MYO1B: variants seen among roughly 807,000 people sequenced by gnomAD.
MYO1B encodes myosin IB, also known as unconventional myosin-Ib.
Under a neutral mutation model 159.7 loss-of-function variants are expected in MYO1B, and 72 were observed. That is an observed-to-expected ratio of 0.45 (90% CI 0.37 to 0.55). The LOEUF is 0.55. MYO1B is among the 20% of genes least tolerant of loss of function. The pLI is 0.00. For missense variants in MYO1B, 1,062 were observed against 1,364.8 expected, an observed-to-expected ratio of 0.78 and a Z score of 3.50; for synonymous variants, 468 against 473.8, an observed-to-expected ratio of 0.99 and a Z score of 0.16.
intron 1 of MYO1B, among the ~76,000 whole-genome samples, chr2:191,274,972 A>G (rs971911508): frequency 7.9e-5 from 12 of 152,032 alleles, no homozygotes; most frequent in East Asian, 1.9e-4. Flanking sequence ...CAGTGGCGCA[A>G]TCTCGGCTCA....
At chr2:191,326,818 G>A (rs936839712) in intron 3 of MYO1B, among the ~76,000 whole-genome samples, 33 of 150,058 alleles carry the variant, frequency 2.2e-4, no homozygotes, top group Admixed American at 1.5e-3. Context: ...GTGTGTGTGC[G>A]CGCGCCATAT....
intron 3 of MYO1B, among the ~76,000 whole-genome samples, chr2:191,297,162 A>G (rs1689032769): frequency 6.6e-6 from 1 of 150,938 alleles, no homozygotes; most frequent in Admixed American, 6.6e-5. Flanking sequence ...GGAAAGAGAA[A>G]TATGCTAAGT....
In MYO1B at chr2:191,350,024, G is replaced by T. The variant is rs867582563; in HGVS notation, c.499-138G>T. On this transcript the variant is annotated intron_variant, in intron 6 of 30. Coordinates refer to ENST00000392318, the MANE Select transcript of MYO1B (RefSeq NM_001130158.3). ...TGGAGGCATGTTGTTTTGCATCGTG[G>T]TTATATAAACTGTGTCTTTCTTAGT... is the stretch of plus-strand genomic sequence containing the variant. 3.0e-4 allele frequency: 196 copies of T among 644,130 alleles called. 4 individuals carry two copies. Among genetic ancestry groups the T allele is most frequent in the South Asian group, 1.4e-3 (76 of 52,998 alleles). 39.9% of individuals were successfully genotyped at this position (644,130 alleles called of 1,614,324 possible). A position where few individuals can be genotyped will look rare whatever the true frequency, so the allele number is the denominator to read the frequency against.
At chr2:191,336,762 C>T (rs1229224802) in intron 4 of MYO1B, among the ~76,000 whole-genome samples, 1 of 152,148 alleles carries the variant, frequency 6.6e-6, no homozygotes, top group Non-Finnish European at 1.5e-5. Context: ...TGAACACAAA[C>T]ATGGCCTCAT....
At chr2:191,387,607 T>C (rs1451108949) in intron 17 of MYO1B, 157 bp downstream of exon 17, 1 of 686,144 alleles carries the variant, frequency 1.5e-6, no homozygotes. Flanking sequence ...GCTTAAAAAA[T>C]GCTCCACTAT....
intron 13 of MYO1B, chr2:191,381,026 G>A: frequency 7.3e-6 from 2 of 273,948 alleles, no homozygotes; most frequent in Non-Finnish European, 1.4e-5. Context: ...TCAGAGTGAG[G>A]GATCTGTCCC....
At chr2:191,332,228 G>T (rs1212287800) in intron 4 of MYO1B, among the ~76,000 whole-genome samples, 1 of 152,028 alleles carries the variant, frequency 6.6e-6, no homozygotes, top group Non-Finnish European at 1.5e-5. Flanking sequence ...CTCCCAAAGT[G>T]CTGGGATTAC....
intron 11 of MYO1B, among the ~76,000 whole-genome samples, chr2:191,367,639 G>C (rs1018613050): frequency 1.3e-5 from 2 of 152,292 alleles, no homozygotes; most frequent in East Asian, 3.9e-4. Context: ...GTGGCTTGTT[G>C]AAAGTAGATA....
At chr2:191,397,613 C>T (rs1447077477) in intron 21 of MYO1B, among the ~76,000 whole-genome samples, 3 of 149,226 alleles carry the variant, frequency 2.0e-5, no homozygotes, top group Non-Finnish European at 3.0e-5. Flanking sequence ...GACCCGGCAA[C>T]CATCCGATTT....
intron 7 of MYO1B, among the ~76,000 whole-genome samples, chr2:191,356,007 G>A (rs924453450): frequency 2.0e-5 from 3 of 152,224 alleles, no homozygotes; most frequent in South Asian, 2.1e-4. Context: ...ATGCCATTTT[G>A]TATGGAACGT....
chr2:191,400,016 G>A (rs996399278), intron 21 of MYO1B, among the ~76,000 whole-genome samples: 1 of 152,164 alleles, frequency 6.6e-6, no homozygotes, highest in African/African-American at 2.4e-5. Context: ...TACATTCCAG[G>A]CAATAATAAT....
At chr2:191,279,627 C>T (rs1324924883) in intron 2 of MYO1B, among the ~76,000 whole-genome samples, 1 of 152,126 alleles carries the variant, frequency 6.6e-6, no homozygotes, top group Non-Finnish European at 1.5e-5. Flanking sequence ...TGATAATACT[C>T]CTGCTTTGCC....
At chr2:191,411,230 T>C in intron 27 of MYO1B, 58 bp downstream of exon 27, 1 of 1,123,304 alleles carries the variant, frequency 8.9e-7, no homozygotes, top group Non-Finnish European at 1.3e-6. Context: ...CTCAAGTATA[T>C]TTGTACGCCG....
At chr2:191,334,648 A>G (rs1691711194) in intron 4 of MYO1B, among the ~76,000 whole-genome samples, 1 of 152,072 alleles carries the variant, frequency 6.6e-6, no homozygotes, top group African/African-American at 2.4e-5. Flanking sequence ...CAGAAGCTGG[A>G]AAATGGACAG....
chr2:191,421,134 A>T (rs911360746), intron 30 of MYO1B, among the ~76,000 whole-genome samples: 3 of 147,920 alleles, frequency 2.0e-5, no homozygotes, highest in Non-Finnish European at 3.0e-5. Context: ...CAGTGGCGAG[A>T]TCTCGGCTCA....
intron 7 of MYO1B, among the ~76,000 whole-genome samples, chr2:191,357,805 A>C (rs960404203): frequency 1.6e-4 from 24 of 152,186 alleles, no homozygotes; most frequent in African/African-American, 5.8e-4. Flanking sequence ...AAGCTGTTAG[A>C]TTATGTTGGT....
At chr2:191,295,006 A>G (rs778232536) in intron 2 of MYO1B, among the ~76,000 whole-genome samples, 1 of 152,184 alleles carries the variant, frequency 6.6e-6, no homozygotes, top group Non-Finnish European at 1.5e-5. Context: ...TGCTCTAAAA[A>G]TGGTACCTTT....
intron 1 of MYO1B, among the ~76,000 whole-genome samples, chr2:191,274,322 T>G (rs745503118): frequency 2.6e-5 from 4 of 152,144 alleles, no homozygotes; most frequent in Non-Finnish European, 4.4e-5. Flanking sequence ...TGGGATGAGG[T>G]GTAAAAAATT....
At chr2:191,250,508 A>G (rs939791548) in intron 1 of MYO1B, among the ~76,000 whole-genome samples, 1 of 152,344 alleles carries the variant, frequency 6.6e-6, no homozygotes, top group East Asian at 1.9e-4. Context: ...GTGGCTGTCA[A>G]CTAAGGCTGT....
Sources: gnomAD v4.1 joint callset for allele counts (sites outside exome capture counted in the v4.1 genomes callset) on GRCh38, gnomAD v4.1.1 for gene constraint, MANE v1.5 for transcripts, NCBI Gene and HGNC (gene_info 2026-07-23, HGNC 2026-07-21) for gene names.